Variants in FOXN2 observed in about 807,000 individuals in gnomAD.
FOXN2 encodes the protein forkhead box N2.
Under a neutral mutation model 41.2 loss-of-function variants are expected in FOXN2, and 19 were observed. The observed-to-expected ratio is 0.46, with a 90% CI of 0.32 to 0.68. The LOEUF is 0.68. FOXN2 is among the 30% of genes least tolerant of loss of function. FOXN2 has a pLI of 0.03. For synonymous variants in FOXN2, 195 were observed against 176.8 expected, an observed-to-expected ratio of 1.10 and a Z score of -0.82; for missense variants, 587 against 509.4, an observed-to-expected ratio of 1.15 and a Z score of -1.47.
At chr2:48,345,488 T>C (rs1671039836) in intron 2 of FOXN2, among the ~76,000 whole-genome samples, 1 of 152,152 alleles carries the variant, frequency 6.6e-6, no homozygotes. Context: ...AAAGACCATT[T>C]AAAATGTTCT....
At chr2:48,331,661 A>G (rs981263383) in intron 2 of FOXN2, among the ~76,000 whole-genome samples, 1 of 152,084 alleles carries the variant, frequency 6.6e-6, no homozygotes, top group Non-Finnish European at 1.5e-5. Flanking sequence ...CTACAGAAAT[A>G]AGAAAATTAG....
At chr2:48,343,670 G>A (rs770674345) in intron 2 of FOXN2, among the ~76,000 whole-genome samples, 3 of 151,866 alleles carry the variant, frequency 2.0e-5, no homozygotes, top group Non-Finnish European at 4.4e-5. Flanking sequence ...GGGGCAGGAG[G>A]ATCGCTTGAA....
intron 2 of FOXN2, among the ~76,000 whole-genome samples, chr2:48,337,891 T>G (rs1276533433): frequency 6.6e-6 from 1 of 152,168 alleles, no homozygotes; most frequent in East Asian, 1.9e-4. Context: ...CAGGAGATTG[T>G]AATATATCTG....
chr2:48,314,907 C>G (rs1319557073), intron 1 of FOXN2, 93 bp downstream of exon 1: 1 of 151,844 alleles, frequency 6.6e-6, no homozygotes, highest in Non-Finnish European at 1.5e-5. Flanking sequence ...CGCGAGCGAC[C>G]CGCGCCAGGC....
chr2:48,345,562 C>A (rs571552344), intron 2 of FOXN2, among the ~76,000 whole-genome samples: 18 of 152,166 alleles, frequency 1.2e-4, no homozygotes, highest in African/African-American at 4.3e-4. Context: ...CTAATCATTT[C>A]ACAATATATA....
intron 3 of FOXN2, among the ~76,000 whole-genome samples, chr2:48,357,093 A>G (rs1671842439): frequency 6.6e-6 from 1 of 152,198 alleles, no homozygotes; most frequent in African/African-American, 2.4e-5. Flanking sequence ...ATTAGCAAAT[A>G]CAGAGTTTTA....
intron 3 of FOXN2, among the ~76,000 whole-genome samples, chr2:48,358,324 T>C (rs2104449917): frequency 6.6e-6 from 1 of 152,336 alleles, no homozygotes; most frequent in East Asian, 1.9e-4. Flanking sequence ...CTCTTGCATA[T>C]AAATCCTCTT....
intron 2 of FOXN2, among the ~76,000 whole-genome samples, chr2:48,330,173 C>T (rs953603644): frequency 6.6e-6 from 1 of 151,922 alleles, no homozygotes; most frequent in Non-Finnish European, 1.5e-5. Flanking sequence ...TTATAATAAG[C>T]TGATAATACT....
At chr2:48,331,078 C>A (rs917875680) in intron 2 of FOXN2, among the ~76,000 whole-genome samples, 1 of 152,102 alleles carries the variant, frequency 6.6e-6, no homozygotes, top group Non-Finnish European at 1.5e-5. Context: ...TTAGAAACAG[C>A]ACAATTGATG....
intron 2 of FOXN2, among the ~76,000 whole-genome samples, chr2:48,331,230 A>C (rs1033429383): frequency 1.3e-5 from 2 of 152,200 alleles, no homozygotes; most frequent in Non-Finnish European, 2.9e-5. Context: ...GTCTTTTCTC[A>C]GTGCTATATT....
chr2:48,375,332 G>A lies in FOXN2; in HGVS notation c.1185G>A (p.Glu395=), dbSNP rs1185759809. The part of the protein sequence containing the change: ...MRKQTCQEID[E]ELKEAAGSLL... The stretch of plus-strand genomic sequence containing the variant: ...AACAGACATGTCAAGAAATTGATGA[G>A]GAGCTCAAAGAGGCAGCTGGATCTC... The change falls in exon 7 of 7, where the codon GAG becomes GAA. Residue 395 remains glutamate, a synonymous_variant. Transcript: ENST00000340553. 2 of 1,613,564 alleles carry A rather than the reference G, an allele frequency of 1.2e-6. No homozygotes were observed. Among genetic ancestry groups the A allele is most frequent in the East Asian group, 4.5e-5 (2 of 44,804 alleles).
chr2:48,339,466 C>A lies in FOXN2; in HGVS notation c.-14-6735C>A, dbSNP rs1278188058. 2.0e-5 allele frequency among the ~76,000 whole-genome samples: 3 copies of A among 152,258 alleles called. No individual in the cohort carries two copies. The East Asian group carries it at 5.8e-4, about 29-fold the overall frequency. ...TGTGAAGAAGGACATTTTTGCTTCC[C>A]CTTCTGCCATGATTGTAAGTTTCCT... On this transcript the variant is annotated intron_variant, in intron 2 of 6. Coordinates refer to ENST00000340553, the MANE Select transcript of FOXN2 (RefSeq NM_002158.4).
At chr2:48,346,787 T>G (rs751283175) in intron 3 of FOXN2, 36 bp downstream of exon 3, 4 of 1,498,506 alleles carry the variant, frequency 2.7e-6, no homozygotes, top group Non-Finnish European at 3.5e-6. Flanking sequence ...TTTGGTGAGG[T>G]GGGGGGACTA....
chr2:48,363,042 C>T (rs1483676795), intron 5 of FOXN2, among the ~76,000 whole-genome samples: 1 of 152,042 alleles, frequency 6.6e-6, no homozygotes, highest in Non-Finnish European at 1.5e-5. Flanking sequence ...ACTCCTTCCA[C>T]CAATTAAAAA....
In FOXN2 at chr2:48,377,481, G is replaced by C. The variant is rs1322967302; in HGVS notation, c.*2038G>C. ...ATCACAAATGTGCTACCTGGTTTTT[G>C]TCCATTAGATAATTACTCTTTATAA... On this transcript the variant is annotated 3_prime_UTR_variant, in exon 7 of 7. Coordinates refer to ENST00000340553, the MANE Select transcript of FOXN2 (RefSeq NM_002158.4). 6.6e-6 allele frequency: 1 copy of C among 151,934 alleles called. No individual in the cohort carries two copies. The highest frequency in any genetic ancestry group is 1.5e-5 in the Non-Finnish European group (1 of 67,866). 9.4% of individuals were successfully genotyped at this position (151,934 alleles called of 1,614,324 possible).
chr2:48,372,672 T>A (rs979781801), intron 5 of FOXN2, among the ~76,000 whole-genome samples: 5 of 152,156 alleles, frequency 3.3e-5, no homozygotes, highest in African/African-American at 1.2e-4. Context: ...AAGCCCATTT[T>A]TAATGGAGTA....
rs1339549461 is a variant in FOXN2, at chr2:48,321,216, TG to T, written c.-157+6405del. Among the ~76,000 whole-genome samples the T allele has an allele frequency of 2.0e-5, 3 of 151,990 alleles. No individual in the cohort carries two copies. In the East Asian group the frequency reaches 5.8e-4, roughly 29 times the overall value. On this transcript the variant is annotated intron_variant, in intron 1 of 6. Transcript: ENST00000340553. The stretch of plus-strand genomic sequence containing the variant: ...TCTTAAATGGGTGACTGAATTGGGG[TG>T]GGAAATTTTGACCAGCTTTTATTAA...
chr2:48,375,283 G>T lies in FOXN2; in HGVS notation c.1136G>T (p.Gly379Val). Reference protein sequence around the residue: ...SQPCAKISEKGQSGKKMRKQT... With the variant: ...SQPCAKISEKVQSGKKMRKQT... Reference sequence around the variant, plus strand: ...CCTTGTGCAAAAATCTCTGAAAAAGGGCAGTCAGGCAAAAAGATGCGAAAA... The same window carrying T: ...CCTTGTGCAAAAATCTCTGAAAAAGTGCAGTCAGGCAAAAAGATGCGAAAA... Residue 379 changes from glycine (G) to valine (V), a missense_variant, in exon 7 of 7, where the codon GGG (glycine) becomes GTG (valine). Gly to Val is a moderately radical substitution (Grantham distance 109, BLOSUM62 -3). Coordinates refer to ENST00000340553, the MANE Select transcript of FOXN2 (RefSeq NM_002158.4). The T allele has an allele frequency of 6.2e-7, 1 of 1,613,986 alleles. No individual in the cohort carries two copies. The highest frequency in any genetic ancestry group is 8.5e-7 in the Non-Finnish European group (1 of 1,179,984).
At chr2:48,339,128 C>T (rs1373952475) in intron 2 of FOXN2, among the ~76,000 whole-genome samples, 1 of 151,980 alleles carries the variant, frequency 6.6e-6, no homozygotes, top group Non-Finnish European at 1.5e-5. Flanking sequence ...TCTATATATC[C>T]ATATACAGAT....
Sources: allele counts gnomAD v4.1 joint callset (sites outside exome capture counted in the v4.1 genomes callset), GRCh38; gene constraint gnomAD v4.1.1; transcripts MANE v1.5; gene names NCBI Gene and HGNC (gene_info 2026-07-23, HGNC 2026-07-21).